HECW1: variants seen among roughly 807,000 people sequenced by gnomAD.
HECW1 encodes HECT, C2 and WW domain containing E3 ubiquitin protein ligase 1.
Under a neutral mutation model 182.3 loss-of-function variants are expected in HECW1, and 61 were observed. The observed-to-expected ratio is 0.33, with a 90% CI of 0.27 to 0.41. The LOEUF (loss-of-function observed/expected upper bound fraction) is 0.41, where lower values mean the gene tolerates loss of function less well. Ranked by LOEUF, HECW1 falls within the 10% of genes least tolerant of loss-of-function variation. The probability of loss-of-function intolerance (pLI) is 1.00; values close to 1 mark genes in which losing one functional copy is unlikely to be tolerated. For missense variants in HECW1, 1,739 were observed against 2,108.9 expected, an observed-to-expected ratio of 0.82 and a Z score of 3.44; for synonymous variants, 859 against 832.6, an observed-to-expected ratio of 1.03 and a Z score of -0.55.
chr7:43,541,023 G>C lies in HECW1; in HGVS notation c.4020-140G>C. 3 of 683,396 alleles carry C rather than the reference G, an allele frequency of 4.4e-6. No homozygotes were observed. In the South Asian group the frequency reaches 5.2e-5, roughly 12 times the overall value. The allele number at this position is 683,396 out of a possible 1,614,324, so 42.3% of individuals were successfully genotyped here. ...GTAAAGCAAAAGGACAAGAACAGGT[G>C]CCTCCCTTGTGTCATCAATGAGAAG... On this transcript the variant is annotated intron_variant, in intron 24 of 29. Transcript: ENST00000395891.
At chr7:43,448,641 G>A (rs2077138747) in intron 11 of HECW1, among the ~76,000 whole-genome samples, 1 of 152,170 alleles carries the variant, frequency 6.6e-6, no homozygotes, top group Admixed American at 6.5e-5. Context: ...TTTATATTAT[G>A]TTGTATAAAG....
At chr7:43,384,005 T>C (rs1370967775) in intron 6 of HECW1, among the ~76,000 whole-genome samples, 1 of 152,036 alleles carries the variant, frequency 6.6e-6, no homozygotes, top group Non-Finnish European at 1.5e-5. Context: ...TTGAGTAGAC[T>C]GAGGAGGAGG....
intron 3 of HECW1, among the ~76,000 whole-genome samples, chr7:43,255,285 C>T (rs953948262): frequency 6.6e-6 from 1 of 152,144 alleles, no homozygotes; most frequent in Non-Finnish European, 1.5e-5. Flanking sequence ...TTGATAACTT[C>T]AGTCACCGTT....
intron 22 of HECW1, 150 bp downstream of exon 22, chr7:43,507,407 C>A: frequency 4.4e-6 from 3 of 688,090 alleles, no homozygotes; most frequent in Non-Finnish European, 6.8e-6. Context: ...AGTTGGGAAG[C>A]TGGAAGGAAA....
rs2078094664 is a variant in HECW1 at position 43,473,312 on chromosome 7, G to A, written c.3099+4207G>A. ...GAGCCAAATAAACCTTTTTTCTTTA[G>A]AAATTTCCTGGTTTCAGGTATTCCT... On this transcript the variant is annotated intron_variant, in intron 16 of 29. Transcript: ENST00000395891. 2.0e-5 allele frequency among the ~76,000 whole-genome samples: 3 copies of A among 152,194 alleles called. No homozygotes were observed. In the South Asian group the frequency reaches 6.2e-4, roughly 32 times the overall value.
chr7:43,303,162 C>T (rs1241738642), intron 3 of HECW1, among the ~76,000 whole-genome samples: 5 of 152,252 alleles, frequency 3.3e-5, no homozygotes, highest in South Asian at 2.1e-4. Context: ...CGCTGCTGAA[C>T]GCCTCCAAAC....
At chr7:43,202,981 CT>C (rs999575540) in intron 2 of HECW1, among the ~76,000 whole-genome samples, 19 of 152,118 alleles carry the variant, frequency 1.2e-4, no homozygotes, top group African/African-American at 3.9e-4. Flanking sequence ...AGCCCCACCC[CT>C]ATCTCCCTTC....
intron 6 of HECW1, among the ~76,000 whole-genome samples, chr7:43,386,139 C>G (rs1376986315): frequency 6.6e-6 from 1 of 152,218 alleles, no homozygotes; most frequent in Non-Finnish European, 1.5e-5. Context: ...AATGGTGTGT[C>G]AAACCCTTCT....
chr7:43,471,277 A>G (rs1323017201), intron 16 of HECW1, among the ~76,000 whole-genome samples: 3 of 152,190 alleles, frequency 2.0e-5, no homozygotes, highest in African/African-American at 7.2e-5. Flanking sequence ...CTTGGAAAGG[A>G]TATGCTGCAC....
intron 3 of HECW1, among the ~76,000 whole-genome samples, chr7:43,256,609 CAAAA>C (rs756396122): frequency 7.2e-5 from 4 of 55,354 alleles, no homozygotes; most frequent in Admixed American, 1.9e-4. Context: ...AACTTCATCT[CAAAA>C]AAAAAAAAAA....
At chr7:43,451,358 A>G (rs2077229806) in intron 12 of HECW1, among the ~76,000 whole-genome samples, 1 of 152,204 alleles carries the variant, frequency 6.6e-6, no homozygotes, top group African/African-American at 2.4e-5. Context: ...ACTTCAACCC[A>G]TCTGGGCACA....
Position 43,442,640 on chromosome 7 carries a change from C to T in HECW1, c.1045+11C>T, listed in dbSNP as rs773460802. On this transcript the variant is annotated intron_variant, in intron 10 of 29. Transcript: ENST00000395891. Reference sequence around the variant, plus strand: ...CCTCCATCCACCCAGGTATTTTCAGCATGAACTTCATGTCTTGTCCTAGGC... The same window carrying T: ...CCTCCATCCACCCAGGTATTTTCAGTATGAACTTCATGTCTTGTCCTAGGC... 13 of 1,545,714 alleles carry T rather than the reference C, an allele frequency of 8.4e-6. No individual in the cohort carries two copies. Among genetic ancestry groups the T allele is most frequent in the South Asian group, 4.5e-5 (4 of 89,200 alleles).
At chr7:43,204,888 A>G (rs906377746) in intron 2 of HECW1, among the ~76,000 whole-genome samples, 5 of 152,152 alleles carry the variant, frequency 3.3e-5, no homozygotes, top group Non-Finnish European at 7.3e-5. Flanking sequence ...AGGAACTGGG[A>G]GACAAGAGAG....
chr7:43,335,938 CTT>C (rs912750108), intron 5 of HECW1, among the ~76,000 whole-genome samples: 45 of 145,736 alleles, frequency 3.1e-4, no homozygotes, highest in African/African-American at 1.1e-3. Context: ...CTTTCTTTTT[CTT>C]TCTTTCTTTC....
chr7:43,425,313 G>GATAC (rs1328769661), intron 8 of HECW1, among the ~76,000 whole-genome samples: 4 of 143,002 alleles, frequency 2.8e-5, no homozygotes, highest in Admixed American at 1.3e-4. Context: ...ATGATAGATA[G>GATAC]ATAGATAGAT....
At chr7:43,362,267 A>ACAT (rs1283245975) in intron 6 of HECW1, among the ~76,000 whole-genome samples, 1 of 152,118 alleles carries the variant, frequency 6.6e-6, no homozygotes, top group Admixed American at 6.5e-5. Flanking sequence ...CCTGAAGATG[A>ACAT]GCTAATTGAG....
chr7:43,554,559 T>C, intron 28 of HECW1, 33 bp from the exon 29 acceptor site: 9 of 1,584,138 alleles, frequency 5.7e-6, no homozygotes, highest in Non-Finnish European at 7.8e-6. Flanking sequence ...TTTCTCCACA[T>C]CCTGTCTTCC....
At chr7:43,410,153 C>T (rs1431175161) in intron 8 of HECW1, among the ~76,000 whole-genome samples, 2 of 150,682 alleles carry the variant, frequency 1.3e-5, no homozygotes, top group Non-Finnish European at 3.0e-5. Context: ...AAGCCTTCTC[C>T]TTGCAAGACT....
rs570521373 is a variant in HECW1, at chr7:43,353,348, G to A, written c.461-7538G>A. 3.3e-5 allele frequency among the ~76,000 whole-genome samples: 5 copies of A among 152,170 alleles called. 1 individual carries two copies. In the South Asian group the frequency reaches 1.0e-3, roughly 32 times the overall value. On this transcript the variant is annotated intron_variant, in intron 5 of 29. Coordinates refer to ENST00000395891, the MANE Select transcript of HECW1 (RefSeq NM_015052.5). Reference sequence around the variant, plus strand: ...ATTTATAATCAAGTTGCTAAACACTGGAACATAGTATTAAAATACTCGTTT... The same window carrying A: ...ATTTATAATCAAGTTGCTAAACACTAGAACATAGTATTAAAATACTCGTTT...
Sources: allele counts gnomAD v4.1 joint callset (sites outside exome capture counted in the v4.1 genomes callset), GRCh38; gene constraint gnomAD v4.1.1; transcripts MANE v1.5; gene names NCBI Gene and HGNC (gene_info 2026-07-23, HGNC 2026-07-21).